Variants in FAM124B observed in about 807,000 individuals in gnomAD.
The protein encoded by FAM124B is family with sequence similarity 124 member B.
In FAM124B, 18 loss-of-function variants were observed where a neutral mutation model predicts 19.7. The observed-to-expected ratio is 0.92, with a 90% CI of 0.63 to 1.36. The LOEUF is 1.36. FAM124B is among the 40% of genes most tolerant of loss of function. The probability of loss-of-function intolerance (pLI) is 0.00; values close to 1 mark genes in which losing one functional copy is unlikely to be tolerated. For missense variants in FAM124B, 540 were observed against 553.3 expected (o/e 0.98, Z 0.24); for synonymous variants, 223 against 225.2 (o/e 0.99, Z 0.09).
intron 1 of FAM124B, chr2:224,400,340 TCTAGA>T (rs1690044743): frequency 1.6e-6 from 1 of 622,514 alleles, no homozygotes; most frequent in Admixed American, 2.5e-5. Context: ...AGACCCCGTC[TCTAGA>T]AATAAAATAA....
chr2:224,391,794 C>G (rs535296819), intron 1 of FAM124B, among the ~76,000 whole-genome samples: 2 of 152,180 alleles, frequency 1.3e-5, no homozygotes, highest in African/African-American at 2.4e-5. Flanking sequence ...CCTCAATTTC[C>G]TATCTTTAAA....
At chr2:224,386,630 T>C (rs4674891) in intron 1 of FAM124B, among the ~76,000 whole-genome samples, 35,612 of 152,158 alleles carry the variant, frequency 0.23, 5,155 homozygotes, top group East Asian at 0.49. Flanking sequence ...GTACTCGCCA[T>C]GCCATTTTGT....
rs558774234 is a variant in FAM124B at position 224,401,787 on chromosome 2, T to C, written c.-19A>G. The C allele has an allele frequency of 6.3e-7, 1 of 1,596,828 alleles. No individual in the cohort carries two copies. Among genetic ancestry groups the C allele is most frequent in the East Asian group, 2.2e-5 (1 of 44,540 alleles). On this transcript the variant is annotated 5_prime_UTR_variant, in exon 1 of 2. Coordinates refer to ENST00000409685, the MANE Select transcript of FAM124B (RefSeq NM_001122779.2). The stretch of plus-strand genomic sequence containing the variant: ...CATCCATGGAGGAACTGCCTGAGGC[T>C]GACAAAGACAGCGTGTGTAGAAGGC...
chr2:224,381,779 G>C (rs905648294), intron 1 of FAM124B, among the ~76,000 whole-genome samples: 7 of 152,142 alleles, frequency 4.6e-5, no homozygotes, highest in Admixed American at 4.6e-4. Context: ...TCTTTTCGGG[G>C]GGAAGGTTGT....
At chr2:224,391,263 C>T (rs1689882872) in intron 1 of FAM124B, among the ~76,000 whole-genome samples, 1 of 150,802 alleles carries the variant, frequency 6.6e-6, no homozygotes, top group Non-Finnish European at 1.5e-5. Flanking sequence ...ATAGCTTGAA[C>T]CCGGGAGGCG....
intron 1 of FAM124B, chr2:224,400,466 A>C (rs1690047325): frequency 1.4e-6 from 1 of 697,880 alleles, no homozygotes; most frequent in African/African-American, 1.7e-5. Context: ...TGATGGCACC[A>C]CCGCACTCGA....
intron 1 of FAM124B, chr2:224,400,219 T>A: frequency 2.5e-6 from 1 of 406,456 alleles, no homozygotes; most frequent in Non-Finnish European, 4.4e-6. Context: ...GTAACAAACC[T>A]GCACTTTGTG....
intron 1 of FAM124B, among the ~76,000 whole-genome samples, chr2:224,399,025 G>T (rs1341691633): frequency 6.6e-6 from 1 of 152,192 alleles, no homozygotes; most frequent in Non-Finnish European, 1.5e-5. Flanking sequence ...CTGAGAAGTG[G>T]CCAGGCTCCT....
intron 1 of FAM124B, among the ~76,000 whole-genome samples, chr2:224,380,561 T>C (rs1030926481): frequency 6.6e-6 from 1 of 152,196 alleles, no homozygotes; most frequent in Non-Finnish European, 1.5e-5. Context: ...AAATGATATA[T>C]TTATTAGCAA....
chr2:224,390,858 G>A (rs938899326), intron 1 of FAM124B, among the ~76,000 whole-genome samples: 3 of 151,126 alleles, frequency 2.0e-5, no homozygotes, highest in Non-Finnish European at 4.4e-5. Flanking sequence ...CCACCACCAC[G>A]CCCGGCTAAT....
At chr2:224,385,322 T>C (rs1484053750) in intron 1 of FAM124B, among the ~76,000 whole-genome samples, 2 of 152,222 alleles carry the variant, frequency 1.3e-5, no homozygotes, top group Admixed American at 1.3e-4. Flanking sequence ...TCCTGAAGTC[T>C]TTTTCTTCAG....
At chr2:224,381,163 A>G (rs1265080919) in intron 1 of FAM124B, among the ~76,000 whole-genome samples, 4 of 152,210 alleles carry the variant, frequency 2.6e-5, no homozygotes, top group Non-Finnish European at 5.9e-5. Flanking sequence ...TGCAATAAAT[A>G]CTACTAACTG....
intron 1 of FAM124B, among the ~76,000 whole-genome samples, chr2:224,392,223 C>G (rs1172586338): frequency 4.6e-5 from 7 of 152,048 alleles, no homozygotes. Flanking sequence ...CAGGAAGATT[C>G]CTTGAGACCA....
At chr2:224,396,615 C>A (rs1689974206) in intron 1 of FAM124B, among the ~76,000 whole-genome samples, 1 of 152,202 alleles carries the variant, frequency 6.6e-6, no homozygotes, top group Admixed American at 6.5e-5. Flanking sequence ...TCTCTGGAGA[C>A]CCACAACCTT....
chr2:224,396,377 T>C (rs996887443), intron 1 of FAM124B, among the ~76,000 whole-genome samples: 1 of 152,152 alleles, frequency 6.6e-6, no homozygotes, highest in African/African-American at 2.4e-5. Context: ...CTCACGCAGA[T>C]CTGGGCATTG....
At chr2:224,395,992 A>G (rs962174683) in intron 1 of FAM124B, among the ~76,000 whole-genome samples, 5 of 152,240 alleles carry the variant, frequency 3.3e-5, no homozygotes, top group African/African-American at 9.6e-5. Context: ...AGGACTCATC[A>G]GTGACTGCTC....
At chr2:224,383,267 C>T (rs563136591) in intron 1 of FAM124B, among the ~76,000 whole-genome samples, 4 of 152,298 alleles carry the variant, frequency 2.6e-5, no homozygotes, top group Non-Finnish European at 5.9e-5. Context: ...GGAACTACTG[C>T]CATGGACCCA....
At position 224,379,302 on chromosome 2, in the gene FAM124B, C is replaced by T. The variant is rs1689672962; in HGVS notation, c.*271G>A. 2.6e-6 allele frequency: 1 copy of T among 389,870 alleles called. No homozygotes were observed. The highest frequency in any genetic ancestry group is 2.0e-5 in the African/African-American group (1 of 49,048). 24.2% of individuals were successfully genotyped at this position (389,870 alleles called of 1,614,324 possible). ...CTGATAGGTGCTGGATTCAACACAT[C>T]CAGCTGGGTTAGTGCATCTCCACGG... On this transcript the variant is annotated 3_prime_UTR_variant, in exon 2 of 2. Coordinates refer to ENST00000409685, the MANE Select transcript of FAM124B (RefSeq NM_001122779.2).
intron 1 of FAM124B, among the ~76,000 whole-genome samples, chr2:224,389,860 C>T (rs1689852231): frequency 6.6e-6 from 1 of 151,966 alleles, no homozygotes; most frequent in East Asian, 1.9e-4. Flanking sequence ...GGCAGTGGTC[C>T]TCATTTGGGG....
Sources: gnomAD v4.1 joint callset for allele counts (sites outside exome capture counted in the v4.1 genomes callset) on GRCh38, gnomAD v4.1.1 for gene constraint, MANE v1.5 for transcripts, NCBI Gene and HGNC (gene_info 2026-07-23, HGNC 2026-07-21) for gene names.